Variants in PLXNA4 observed in about 807,000 individuals in gnomAD.
PLXNA4 encodes plexin A4.
In PLXNA4, 44 loss-of-function variants were observed where a neutral mutation model predicts 191.8. The ratio of observed to expected loss-of-function variants is 0.23; its 90% CI spans 0.18 to 0.29. PLXNA4 has a LOEUF of 0.29. Among genes scored for constraint, PLXNA4 ranks in the 10% least tolerant of loss-of-function variants. PLXNA4 has a pLI of 1.00. For missense variants in PLXNA4, 1,800 were observed against 2,488.8 expected (o/e 0.72, Z 5.89); for synonymous variants, 1,082 against 1,009.5 (o/e 1.07, Z -1.36).
At chr7:132,450,281 G>A (rs1424188269) in intron 3 of PLXNA4, among the ~76,000 whole-genome samples, 1 of 152,074 alleles carries the variant, frequency 6.6e-6, no homozygotes, top group African/African-American at 2.4e-5. Context: ...TCAAAACCCT[G>A]GCCTCTACTC....
intron 3 of PLXNA4, among the ~76,000 whole-genome samples, chr7:132,313,044 G>C (rs1369059190): frequency 6.6e-6 from 1 of 152,120 alleles, no homozygotes; most frequent in African/African-American, 2.4e-5. Context: ...CTTGAGGCAG[G>C]AGCTGCACCT....
chr7:132,228,026 TC>T (rs1404524565), intron 6 of PLXNA4, among the ~76,000 whole-genome samples: 1 of 152,188 alleles, frequency 6.6e-6, no homozygotes, highest in Non-Finnish European at 1.5e-5. Context: ...CATGCATCTT[TC>T]CCATTTTATA....
intron 2 of PLXNA4, among the ~76,000 whole-genome samples, chr7:132,501,672 G>A (rs933681532): frequency 6.6e-6 from 1 of 152,244 alleles, no homozygotes; most frequent in African/African-American, 2.4e-5. Context: ...AAAAGAGGGA[G>A]GTGGGCGGGC....
intron 3 of PLXNA4, among the ~76,000 whole-genome samples, chr7:132,397,191 G>C (rs1349858339): frequency 2.0e-5 from 3 of 152,244 alleles, no homozygotes. Flanking sequence ...TGGTTTTTAA[G>C]AGACAGTGTT....
At chr7:132,312,479 G>A (rs955240505) in intron 3 of PLXNA4, among the ~76,000 whole-genome samples, 1 of 152,092 alleles carries the variant, frequency 6.6e-6, no homozygotes, top group Non-Finnish European at 1.5e-5. Flanking sequence ...AGAGTCAGGG[G>A]ATGGCACATT....
intron 3 of PLXNA4, among the ~76,000 whole-genome samples, chr7:132,301,837 A>G (rs557135039): frequency 6.6e-6 from 1 of 152,328 alleles, no homozygotes; most frequent in South Asian, 2.1e-4. Context: ...CTTAAATAAC[A>G]CTGTCTCAGC....
intron 3 of PLXNA4, among the ~76,000 whole-genome samples, chr7:132,352,988 A>T (rs1489355992): frequency 6.6e-6 from 1 of 152,196 alleles, no homozygotes; most frequent in East Asian, 1.9e-4. Flanking sequence ...CAAACATGAA[A>T]AAAAAATCCC....
At chr7:132,555,045 G>GAAAAAAAAAAAAAAAAAA (rs1554467852) in intron 1 of PLXNA4, among the ~76,000 whole-genome samples, 1 of 111,942 alleles carries the variant, frequency 8.9e-6, no homozygotes, top group African/African-American at 3.7e-5. Context: ...AAACCTGAAG[G>GAAAAAAAAAAAAAAAAAA]AAAAAAAAAA....
chr7:132,124,795 C>T lies in PLXNA4; in HGVS notation c.*5684G>A, dbSNP rs1303590201. On this transcript the variant is annotated 3_prime_UTR_variant, in exon 32 of 32. Transcript: ENST00000321063. ...GCTCCCGCAACCCAGGATTTTCAGC[C>T]TACCTGAATCACCTCACTACCTCTG... 6.6e-6 allele frequency: 1 copy of T among 152,234 alleles called. No homozygotes were observed. Among genetic ancestry groups the T allele is most frequent in the Non-Finnish European group, 1.5e-5 (1 of 68,042 alleles). The allele number at this position is 152,234 out of a possible 1,614,324, so 9.4% of individuals were successfully genotyped here.
intron 4 of PLXNA4, among the ~76,000 whole-genome samples, chr7:132,263,471 G>C (rs1356693872): frequency 6.6e-6 from 1 of 152,194 alleles, no homozygotes. Flanking sequence ...CCGAGCCTCA[G>C]CTTCTTTACG....
intron 3 of PLXNA4, among the ~76,000 whole-genome samples, chr7:132,472,281 G>A (rs891029317): frequency 3.9e-5 from 6 of 152,080 alleles, no homozygotes; most frequent in South Asian, 2.1e-4. Flanking sequence ...ATCTTTTCTC[G>A]CTCAGAAATA....
chr7:132,546,753 G>A (rs1384218832), intron 1 of PLXNA4, among the ~76,000 whole-genome samples: 1 of 152,176 alleles, frequency 6.6e-6, no homozygotes, highest in Non-Finnish European at 1.5e-5. Flanking sequence ...CTTTTGAGAA[G>A]GTTCTCCATC....
chr7:132,417,196 A>G (rs191350111), intron 3 of PLXNA4, among the ~76,000 whole-genome samples: 58 of 152,204 alleles, frequency 3.8e-4, no homozygotes, highest in Admixed American at 1.1e-3. Context: ...CAGCTCACTT[A>G]CCACGGACCA....
At chr7:132,237,543 G>T (rs1798743329) in intron 5 of PLXNA4, among the ~76,000 whole-genome samples, 1 of 152,238 alleles carries the variant, frequency 6.6e-6, no homozygotes, top group Non-Finnish European at 1.5e-5. Flanking sequence ...GGCCTATGGG[G>T]GCTCTTGAGC....
intron 3 of PLXNA4, among the ~76,000 whole-genome samples, chr7:132,465,207 G>C (rs1449758341): frequency 3.3e-5 from 5 of 152,202 alleles, no homozygotes; most frequent in Non-Finnish European, 7.3e-5. Flanking sequence ...GCAGTGTGGA[G>C]GCTGGGGCCT....
chr7:132,330,038 G>A (rs768908805), intron 3 of PLXNA4, among the ~76,000 whole-genome samples: 5 of 152,224 alleles, frequency 3.3e-5, no homozygotes, highest in Non-Finnish European at 5.9e-5. Context: ...TCCAGAAAGT[G>A]CCACGGACAT....
At chr7:132,631,410 G>T (rs1803487667) in intron 2 of PLXNA4, among the ~76,000 whole-genome samples, 1 of 152,150 alleles carries the variant, frequency 6.6e-6, no homozygotes, top group African/African-American at 2.4e-5. Flanking sequence ...TACTTAACAA[G>T]TGTTTGATGA....
chr7:132,579,333 G>A (rs372917873), upstream of PLXNA4, among the ~76,000 whole-genome samples: 5 of 152,110 alleles, frequency 3.3e-5, no homozygotes, highest in African/African-American at 9.7e-5. Flanking sequence ...AGGGGGGAAG[G>A]TGAGAAAACA....
chr7:132,134,038 G>A (rs1171845896), intron 30 of PLXNA4, among the ~76,000 whole-genome samples: 4 of 152,202 alleles, frequency 2.6e-5, no homozygotes, highest in South Asian at 2.1e-4. Flanking sequence ...TGCCATGCTG[G>A]AGAAAGTAAA....
Sources: allele counts gnomAD v4.1 joint callset (sites outside exome capture counted in the v4.1 genomes callset), GRCh38; gene constraint gnomAD v4.1.1; transcripts MANE v1.5; gene names NCBI Gene and HGNC (gene_info 2026-07-23, HGNC 2026-07-21).